C2orf80: variants seen among roughly 807,000 people sequenced by gnomAD.
C2orf80 encodes the protein uncharacterized protein C2orf80.
C2orf80 carries 28 observed loss-of-function variants against 30.2 expected under a neutral mutation model. The ratio of observed to expected loss-of-function variants is 0.93; its 90% CI spans 0.69 to 1.27. C2orf80 has a LOEUF of 1.27. Among genes scored for constraint, C2orf80 ranks in the 50% most tolerant of loss-of-function variants. The probability of loss-of-function intolerance (pLI) is 0.00; values close to 1 mark genes in which losing one functional copy is unlikely to be tolerated. For synonymous variants in C2orf80, 80 were observed against 76.4 expected (o/e 1.05, Z -0.24); for missense variants, 220 against 231.0 (o/e 0.95, Z 0.31).
At chr2:208,181,991 A>G (rs900770429) in intron 4 of C2orf80, among the ~76,000 whole-genome samples, 1 of 152,162 alleles carries the variant, frequency 6.6e-6, no homozygotes, top group Non-Finnish European at 1.5e-5. Flanking sequence ...TCTACTCCCC[A>G]GCTTTTTTGC....
chr2:208,173,603 C>G (rs1176316753), intron 6 of C2orf80, among the ~76,000 whole-genome samples: 2 of 142,464 alleles, frequency 1.4e-5, no homozygotes, highest in African/African-American at 5.2e-5. Flanking sequence ...CCAGCCTGGG[C>G]GAGAGAGCGA....
chr2:208,182,900 A>G (rs1696602839), intron 4 of C2orf80, 65 bp downstream of exon 4: 1 of 1,285,740 alleles, frequency 7.8e-7, no homozygotes, highest in African/African-American at 1.5e-5. Flanking sequence ...TAGGGCTGGA[A>G]CTTCCTCTAT....
chr2:208,179,753 A>ACACAT (rs1448285019), intron 6 of C2orf80, among the ~76,000 whole-genome samples: 1 of 150,720 alleles, frequency 6.6e-6, no homozygotes, highest in Non-Finnish European at 1.5e-5. Context: ...GGGGAAAGGG[A>ACACAT]CGCATCTAGG....
At chr2:208,175,049 G>T (rs1250144767) in intron 6 of C2orf80, among the ~76,000 whole-genome samples, 1 of 152,150 alleles carries the variant, frequency 6.6e-6, no homozygotes, top group African/African-American at 2.4e-5. Flanking sequence ...GGAGGCCGAG[G>T]GGGGTGGGTG....
At chr2:208,181,148 T>G in intron 5 of C2orf80, 70 bp downstream of exon 5, 3 of 1,054,884 alleles carry the variant, frequency 2.8e-6, no homozygotes, top group South Asian at 1.3e-5. Flanking sequence ...AATGTAAATA[T>G]TCATTACTGT....
At chr2:208,174,728 G>T (rs143896989) in intron 6 of C2orf80, among the ~76,000 whole-genome samples, 67 of 152,350 alleles carry the variant, frequency 4.4e-4, no homozygotes, top group Middle Eastern at 3.4e-3. Flanking sequence ...CCTGTGACAT[G>T]CCCTGGACTT....
At chr2:208,188,343 A>G (rs1395476249) in intron 1 of C2orf80, among the ~76,000 whole-genome samples, 1 of 152,184 alleles carries the variant, frequency 6.6e-6, no homozygotes. Context: ...GTACCATATA[A>G]ACACTAAGCT....
intron 6 of C2orf80, among the ~76,000 whole-genome samples, chr2:208,176,971 A>ATATCTGTATACATATG (rs1491445115): frequency 9.4e-6 from 1 of 106,010 alleles, no homozygotes. Flanking sequence ...ATATGTATAC[A>ATATCTGTATACATATG]TATATACAGA....
Position 208,180,778 on chromosome 2 carries a change from C to T in C2orf80, c.333G>A (p.Gly111=), listed in dbSNP as rs1400373014. The T allele has an allele frequency of 6.2e-7, 1 of 1,613,632 alleles. No individual in the cohort carries two copies. The highest frequency in any genetic ancestry group is 1.7e-5 in the Admixed American group (1 of 59,992). ...TACCAGAATCGGCAGAAGAATCAGC[C>T]CCATAAATTTTAAAGACTTCCTCAA... is the stretch of plus-strand genomic sequence containing the variant. ...IPIEEVFKIY[G]ADSSADSGTI... Residue 111 remains glycine (G), a synonymous_variant, in exon 6 of 9, where the codon GGG becomes GGA. Transcript: ENST00000341287.
At chr2:208,184,075 G>A (rs1696642574) in intron 3 of C2orf80, among the ~76,000 whole-genome samples, 1 of 152,190 alleles carries the variant, frequency 6.6e-6, no homozygotes, top group African/African-American at 2.4e-5. Context: ...AAATAAACAG[G>A]AAGAATGGGA....
In C2orf80 at chr2:208,170,963, G is replaced by A. The variant is rs1371310723; in HGVS notation, c.555C>T (p.Asp185=). Residue 185 remains aspartate (D), a synonymous_variant, in exon 8 of 9, where the codon GAC becomes GAT. Transcript: ENST00000341287. ...TEWKSSQRFS[D]TQPKHKVT is the part of the protein sequence containing the mutation. ...CACCTACTTTGTGCTTTGGCTGTGT[G>A]TCTGAAAACCTTTGTGATGATTTCC... 6.2e-7 allele frequency: 1 copy of A among 1,613,678 alleles called. No homozygotes were observed. Among genetic ancestry groups the A allele is most frequent in the Non-Finnish European group, 8.5e-7 (1 of 1,179,730 alleles).
chr2:208,170,165 C>A (rs1467593541), intron 8 of C2orf80, among the ~76,000 whole-genome samples: 1 of 152,188 alleles, frequency 6.6e-6, no homozygotes, highest in Non-Finnish European at 1.5e-5. Context: ...AGCCTTCCAG[C>A]ATATCTAACA....
In C2orf80 at chr2:208,180,772, A is replaced by C. The variant is rs764231183; in HGVS notation, c.339T>G (p.Asp113Glu). ...IEEVFKIYGA[D>E]SSADSGTIKV... ...TGATGGTACCAGAATCGGCAGAAGAATCAGCCCCATAAATTTTAAAGACTT... is the reference window on the plus strand; with the variant it reads ...TGATGGTACCAGAATCGGCAGAAGACTCAGCCCCATAAATTTTAAAGACTT... Residue 113 changes from aspartate (D) to glutamate (E), a missense_variant, in exon 6 of 9, where the codon GAT becomes GAG. Asp to Glu is a conservative substitution (Grantham distance 45). Coordinates refer to ENST00000341287, the MANE Select transcript of C2orf80 (RefSeq NM_001099334.3). 5.0e-6 allele frequency: 8 copies of C among 1,613,728 alleles called. No individual in the cohort carries two copies. Among genetic ancestry groups the C allele is most frequent in the Non-Finnish European group, 6.8e-6 (8 of 1,179,774 alleles).
At chr2:208,175,735 T>A (rs1008865156) in intron 6 of C2orf80, among the ~76,000 whole-genome samples, 1 of 127,462 alleles carries the variant, frequency 7.8e-6, no homozygotes, top group African/African-American at 3.4e-5. Context: ...TCTTGCAATA[T>A]CGTTTTTTTT....
At chr2:208,189,543 C>G (rs6704765) in intron 1 of C2orf80, among the ~76,000 whole-genome samples, 22,166 of 152,214 alleles carry the variant, frequency 0.15, 1,761 homozygotes, top group South Asian at 0.22. Context: ...GGAGAGGTCC[C>G]TTACAGCTGT....
chr2:208,179,194 A>C (rs1342435285), intron 6 of C2orf80, among the ~76,000 whole-genome samples: 6 of 152,254 alleles, frequency 3.9e-5, no homozygotes, highest in Non-Finnish European at 7.3e-5. Context: ...AACTAGAGGG[A>C]TCAGAGAGAA....
At chr2:208,187,906 C>T (rs907956951) in intron 1 of C2orf80, among the ~76,000 whole-genome samples, 3 of 151,962 alleles carry the variant, frequency 2.0e-5, no homozygotes, top group Non-Finnish European at 1.5e-5. Flanking sequence ...ACTGACCTCC[C>T]CCATGCAAGA....
In C2orf80 at chr2:208,171,703, C is replaced by A. The variant is rs572604353; in HGVS notation, c.454+285G>T. ...CACACAAGAGATCCTTCCAGCCCAGCCTCCCAAAGTGCTGGGATTACCAGT... is the reference window on the plus strand; with the variant it reads ...CACACAAGAGATCCTTCCAGCCCAGACTCCCAAAGTGCTGGGATTACCAGT... On this transcript the variant is annotated intron_variant, in intron 7 of 8. Coordinates refer to ENST00000341287, the MANE Select transcript of C2orf80 (RefSeq NM_001099334.3). 2.1e-5 allele frequency among the ~76,000 whole-genome samples: 3 copies of A among 144,982 alleles called. No homozygotes were observed. The South Asian group carries it at 6.8e-4, about 33-fold the overall frequency.
rs1026967302 is a variant in C2orf80 at position 208,165,659 on chromosome 2, C to T, written c.*148G>A. 6 of 1,011,498 alleles carry T rather than the reference C, an allele frequency of 5.9e-6. No homozygotes were observed. Among genetic ancestry groups the T allele is most frequent in the Middle Eastern group, 2.2e-4 (1 of 4,598 alleles). 62.7% of individuals were successfully genotyped at this position (1,011,498 alleles called of 1,614,324 possible). Reference sequence around the variant, plus strand: ...GCAATATGCTTCTAAAAGAAGAAAGCTCAACATCAAAAATAACACTTCAGT... The same window carrying T: ...GCAATATGCTTCTAAAAGAAGAAAGTTCAACATCAAAAATAACACTTCAGT... On this transcript the variant is annotated 3_prime_UTR_variant, in exon 9 of 9. Transcript: ENST00000341287.
Sources: allele counts gnomAD v4.1 joint callset (sites outside exome capture counted in the v4.1 genomes callset), GRCh38; gene constraint gnomAD v4.1.1; transcripts MANE v1.5; gene names NCBI Gene and HGNC (gene_info 2026-07-23, HGNC 2026-07-21).